Variants in KCNJ15 observed in about 807,000 individuals in gnomAD.
The protein encoded by KCNJ15 is ATP-sensitive inward rectifier potassium channel 15.
In KCNJ15, 14 loss-of-function variants were observed where a neutral mutation model predicts 23.0. The ratio of observed to expected loss-of-function variants is 0.61; its 90% confidence interval spans 0.40 to 0.95. KCNJ15 has a LOEUF of 0.95. KCNJ15 is among the 40% of genes least tolerant of loss of function. KCNJ15 has a pLI of 0.00. For missense variants in KCNJ15, 388 were observed against 461.8 expected (o/e 0.84, Z 1.46); for synonymous variants, 185 against 183.2 (o/e 1.01, Z -0.08).
intron 1 of KCNJ15, among the ~76,000 whole-genome samples, chr21:38,265,343 T>C (rs1981351351): frequency 6.6e-6 from 1 of 152,252 alleles, no homozygotes; most frequent in Non-Finnish European, 1.5e-5. Context: ...TTTCAGAGTC[T>C]AGGGCTGCAT....
At chr21:38,271,999 G>C (rs1164733321) in intron 1 of KCNJ15, among the ~76,000 whole-genome samples, 1 of 152,194 alleles carries the variant, frequency 6.6e-6, no homozygotes, top group Non-Finnish European at 1.5e-5. Flanking sequence ...ATGGGACCAT[G>C]ACAGTTTTAA....
chr21:38,246,186 C>A (rs1026707666), intron 1 of KCNJ15, among the ~76,000 whole-genome samples: 3 of 152,210 alleles, frequency 2.0e-5, no homozygotes, highest in Non-Finnish European at 2.9e-5. Context: ...CAGCTGTTAT[C>A]ATCAGAGCTA....
chr21:38,262,705 G>A (rs2048067495), intron 1 of KCNJ15, among the ~76,000 whole-genome samples: 1 of 150,524 alleles, frequency 6.6e-6, no homozygotes, highest in African/African-American at 2.4e-5. Flanking sequence ...TTGAGATGGA[G>A]TCTTGGTCTG....
rs774909359 is a variant in KCNJ15, at chr21:38,300,091, T to G, written c.830T>G (p.Phe277Cys). The G allele has an allele frequency of 6.2e-7, 1 of 1,614,026 alleles. No homozygotes were observed. The highest frequency in any genetic ancestry group is 8.5e-7 in the Non-Finnish European group (1 of 1,180,028). Residue 277 changes from phenylalanine (F) to cysteine (C), a missense_variant, in exon 3 of 3, where the codon TTT becomes TGT. Phe to Cys is a radical substitution (Grantham distance 205). Coordinates refer to ENST00000398938, the MANE Select transcript of KCNJ15 (RefSeq NM_170736.3). Reference sequence around the variant, plus strand: ...CCCCAAAACCTAAAGGAGAAGGAGTTTGAGCTTGTGGTCCTCCTCAATGCC... The same window carrying G: ...CCCCAAAACCTAAAGGAGAAGGAGTGTGAGCTTGTGGTCCTCCTCAATGCC... ...LTPQNLKEKE[F>C]ELVVLLNATV... is the part of the protein sequence containing the mutation.
chr21:38,279,217 G>C (rs1417484582), intron 1 of KCNJ15, among the ~76,000 whole-genome samples: 1 of 152,164 alleles, frequency 6.6e-6, no homozygotes, highest in East Asian at 1.9e-4. Context: ...ATGAAGCTAG[G>C]CTGGGTCTAA....
chr21:38,268,055 C>G (rs907086109), intron 1 of KCNJ15, among the ~76,000 whole-genome samples: 1 of 152,144 alleles, frequency 6.6e-6, no homozygotes, highest in African/African-American at 2.4e-5. Context: ...TTCTGAGAAG[C>G]TCTGAGTAAC....
In KCNJ15 at chr21:38,299,590, A is replaced by C; in HGVS notation, c.329A>C (p.Lys110Thr). Residue 110 changes from lysine to threonine, a missense_variant, in exon 3 of 3, where the codon AAA (lysine) becomes ACA (threonine). Transcript: ENST00000398938. The surrounding 1 kb of genome is among the most constrained non-coding windows in gnomAD (Gnocchi z 4.5). ...PISNHTPCIMKVDSLTGAFLF... is the reference protein window; with the variant it reads ...PISNHTPCIMTVDSLTGAFLF... Reference sequence around the variant, plus strand: ...TCAAATCATACCCCCTGCATCATGAAAGTGGACTCTCTCACTGGGGCGTTT... The same window carrying C: ...TCAAATCATACCCCCTGCATCATGACAGTGGACTCTCTCACTGGGGCGTTT... The C allele has an allele frequency of 6.2e-7, 1 of 1,614,088 alleles. No homozygotes were observed. The highest frequency in any genetic ancestry group is 8.5e-7 in the Non-Finnish European group (1 of 1,180,008).
chr21:38,270,427 T>C (rs867052217), intron 1 of KCNJ15, among the ~76,000 whole-genome samples: 2 of 152,306 alleles, frequency 1.3e-5, no homozygotes, highest in Middle Eastern at 3.4e-3. Context: ...TCTCTCTTTT[T>C]ACAAATGAGG....
At position 38,301,860 on chromosome 21, in the gene KCNJ15, T is replaced by C. The variant is rs1351827107; in HGVS notation, c.*1471T>C. 1.2e-5 allele frequency: 2 copies of C among 166,840 alleles called. No individual in the cohort carries two copies. Among genetic ancestry groups the C allele is most frequent in the African/African-American group, 4.8e-5 (2 of 41,372 alleles). 10.3% of individuals were successfully genotyped at this position (166,840 alleles called of 1,614,324 possible). A position where few individuals can be genotyped will look rare whatever the true frequency, so the allele number is the denominator to read the frequency against. Reference sequence around the variant, plus strand: ...CTCATTTCATTCAAACAAAGACAGATTTGCGCATTCACTCAAGCAGAATGT... The same window carrying C: ...CTCATTTCATTCAAACAAAGACAGACTTGCGCATTCACTCAAGCAGAATGT... On this transcript the variant is annotated 3_prime_UTR_variant, in exon 3 of 3. Transcript: ENST00000398938.
chr21:38,261,297 TGC>T (rs930585499), intron 1 of KCNJ15, among the ~76,000 whole-genome samples: 1 of 152,136 alleles, frequency 6.6e-6, no homozygotes, highest in African/African-American at 2.4e-5. Flanking sequence ...AGAAAACAAA[TGC>T]AAAATTAGGA....
At chr21:38,281,882 C>T (rs1302697336) in intron 1 of KCNJ15, among the ~76,000 whole-genome samples, 2 of 147,364 alleles carry the variant, frequency 1.4e-5, no homozygotes, top group African/African-American at 5.4e-5. Flanking sequence ...TTTACATTTC[C>T]ATCAATAGTG....
intron 1 of KCNJ15, among the ~76,000 whole-genome samples, chr21:38,282,944 C>T (rs139504333): frequency 6.3e-4 from 96 of 152,134 alleles, no homozygotes; most frequent in Middle Eastern, 3.4e-3. Context: ...TCGAGGGATG[C>T]GTAGGAGTTT....
Position 38,300,171 on chromosome 21 carries a change from G to A in KCNJ15, c.910G>A (p.Glu304Lys). ...CQSRTSYIPE[E>K]IYWGFEFVPV... is the part of the protein sequence containing the mutation. ...GAGCCGAACATCTTATATCCCAGAG[G>A]AAATCTACTGGGGTTTTGAGTTTGT... is the stretch of plus-strand genomic sequence containing the variant. The change falls in exon 3 of 3, where the codon GAA (glutamate) becomes AAA (lysine). Residue 304 changes from glutamate (E) to lysine (K), a missense_variant. Coordinates refer to ENST00000398938, the MANE Select transcript of KCNJ15 (RefSeq NM_170736.3). 6.2e-7 allele frequency: 1 copy of A among 1,614,120 alleles called. No individual in the cohort carries two copies. The highest frequency in any genetic ancestry group is 8.5e-7 in the Non-Finnish European group (1 of 1,180,022).
chr21:38,300,642 A>G lies in KCNJ15; in HGVS notation c.*253A>G, dbSNP rs889549626. The stretch of plus-strand genomic sequence containing the variant: ...TTGTATAAAATAAAGCTACATTTCT[A>G]AGAGCTTGGTGTAGGGCAATTGGAA... On this transcript the variant is annotated 3_prime_UTR_variant, in exon 3 of 3. Coordinates refer to ENST00000398938, the MANE Select transcript of KCNJ15 (RefSeq NM_170736.3). 2 of 437,924 alleles carry G rather than the reference A, an allele frequency of 4.6e-6. No homozygotes were observed. The highest frequency in any genetic ancestry group is 4.1e-5 in the African/African-American group (2 of 49,344). The allele number at this position is 437,924 out of a possible 1,614,324, so 27.1% of individuals were successfully genotyped here.
At chr21:38,284,692 T>C (rs1421535395) in intron 1 of KCNJ15, among the ~76,000 whole-genome samples, 1 of 152,116 alleles carries the variant, frequency 6.6e-6, no homozygotes, top group Non-Finnish European at 1.5e-5. Context: ...GGGGTGACGG[T>C]CCTCAAGGAG....
intron 1 of KCNJ15, among the ~76,000 whole-genome samples, chr21:38,284,490 G>T (rs536392865): frequency 6.6e-6 from 1 of 152,114 alleles, no homozygotes; most frequent in African/African-American, 2.4e-5. Flanking sequence ...TACAAACACC[G>T]CCCTTGTCCA....
Position 38,300,336 on chromosome 21 carries a change from G to T in KCNJ15, c.1075G>T (p.Asp359Tyr), listed in dbSNP as rs1375459524. The change falls in exon 3 of 3, where the codon GAT (aspartate) becomes TAT (tyrosine). Residue 359 changes from aspartate to tyrosine, a missense_variant. Coordinates refer to ENST00000398938, the MANE Select transcript of KCNJ15 (RefSeq NM_170736.3). ...ACTCGAGGAGAAGTACAGGCAGGAG[G>T]ATCAGAGGGAAAGAGAACTGAGGAC... ...QQLEEKYRQE[D>Y]QRERELRTLL... 6.2e-6 allele frequency: 10 copies of T among 1,613,966 alleles called. No homozygotes were observed. The East Asian group carries it at 2.0e-4, about 32-fold the overall frequency.
At chr21:38,289,175 G>C in intron 1 of KCNJ15, among the ~76,000 whole-genome samples, 1 of 141,380 alleles carries the variant, frequency 7.1e-6, no homozygotes, top group Non-Finnish European at 1.5e-5. Flanking sequence ...CTCCAGCCTC[G>C]GCAACAGAGC....
At chr21:38,238,357 G>A (rs1397043332) in intron 1 of KCNJ15, 1 of 718,256 alleles carries the variant, frequency 1.4e-6, no homozygotes, top group South Asian at 1.4e-5. Context: ...CAGCCAGTGG[G>A]ACAGGAAACT....
Sources: gnomAD v4.1 joint callset for allele counts (sites outside exome capture counted in the v4.1 genomes callset) on GRCh38, gnomAD v4.1.1 for gene constraint, Gnocchi (gnomAD v3.1) non-coding constraint, MANE v1.5 for transcripts, NCBI Gene and HGNC (gene_info 2026-07-23, HGNC 2026-07-21) for gene names.